The following ZNF333 variants were observed in gnomAD, a reference collection of about 807,000 sequenced individuals.
ZNF333 encodes zinc finger protein 333.
In ZNF333, 61 loss-of-function variants were observed where a neutral mutation model predicts 76.1. That is an observed-to-expected ratio of 0.80 (90% CI 0.65 to 0.99). The LOEUF (loss-of-function observed/expected upper bound fraction) is 0.99, where lower values mean the gene tolerates loss of function less well. ZNF333 is among the 50% of genes least tolerant of loss of function. The pLI, the probability that ZNF333 is intolerant of heterozygous loss-of-function variation, is 0.00. For missense variants in ZNF333, 717 were observed against 822.4 expected, an observed-to-expected ratio of 0.87 and a Z score of 1.57; for synonymous variants, 284 against 305.0, an observed-to-expected ratio of 0.93 and a Z score of 0.72.
In ZNF333 at chr19:14,721,135, T is replaced by G. The variant is rs953681779; in HGVS notation, c.*1810T>G. ...GTCCTCACACTGACACTTTGAGGTA[T>G]GTACTGTTATCCCCAATTCCCAGAT... On this transcript the variant is annotated 3_prime_UTR_variant, in exon 12 of 12. Coordinates refer to ENST00000292530, the MANE Select transcript of ZNF333 (RefSeq NM_032433.4). 1 of 292,728 alleles carries G rather than the reference T, an allele frequency of 3.4e-6. No homozygotes were observed. The highest frequency in any genetic ancestry group is 5.1e-6 in the Non-Finnish European group (1 of 197,228). 18.1% of individuals were successfully genotyped at this position (292,728 alleles called of 1,614,324 possible). A position where few individuals can be genotyped will look rare whatever the true frequency, so the allele number is the denominator to read the frequency against.
At chr19:14,731,158 T>C (rs1422429151) in intron 11 of ZNF333, 2 of 1,533,586 alleles carry the variant, frequency 1.3e-6, no homozygotes, top group South Asian at 1.2e-5. Flanking sequence ...TCTTCCTCCT[T>C]ATAATTCCCT....
chr19:14,715,294 C>A, intron 7 of ZNF333, 88 bp from the exon 8 acceptor site: 1 of 1,142,414 alleles, frequency 8.8e-7, no homozygotes, highest in Non-Finnish European at 1.3e-6. Context: ...CATGTGATCA[C>A]TCACAGCCAG....
intron 5 of ZNF333, chr19:14,701,784 G>A (rs2041965172): frequency 2.0e-5 from 20 of 985,378 alleles, no homozygotes; most frequent in African/African-American, 3.5e-5. Context: ...AGAGCCCCAG[G>A]AAACAGGCGG....
Position 14,694,244 on chromosome 19 carries a change from G to A in ZNF333, c.3+750G>A, listed in dbSNP as rs774674223. ...TCCCAGCACTTTGGGAGGCCGAGGC[G>A]GGCAGATCACTTGAGGCTGGGAGTT... On this transcript the variant is annotated intron_variant, in intron 2 of 11. Transcript: ENST00000292530. Among the ~76,000 whole-genome samples, 4 of 152,158 alleles carry A rather than the reference G, an allele frequency of 2.6e-5. 1 individual carries two copies. The Middle Eastern group carries it at 0.014, about 518-fold the overall frequency.
intron 11 of ZNF333, among the ~76,000 whole-genome samples, chr19:14,728,098 A>C (rs900661551): frequency 3.9e-5 from 6 of 152,306 alleles, no homozygotes; most frequent in African/African-American, 1.4e-4. Flanking sequence ...CTGTAGTCCC[A>C]ACTACTCGGG....
intron 11 of ZNF333, among the ~76,000 whole-genome samples, chr19:14,729,361 T>G (rs1031807887): frequency 1.4e-4 from 18 of 125,356 alleles, no homozygotes; most frequent in African/African-American, 5.5e-4. Context: ...AACGATACAC[T>G]TTTTTTTTTT....
At chr19:14,731,361 C>T (rs1453300864) in exon 12 of ZNF333, 1 of 639,098 alleles carries the variant, frequency 1.6e-6, no homozygotes, top group African/African-American at 1.8e-5. Context: ...ATCCGGGCTC[C>T]TTAACTTCCG....
At chr19:14,708,289 T>C in intron 7 of ZNF333, 1 of 400,522 alleles carries the variant, frequency 2.5e-6, no homozygotes, top group Non-Finnish European at 4.4e-6. Flanking sequence ...ACCACAGGTG[T>C]GAGCCACCGT....
At chr19:14,693,980 TAA>T (rs61027794) in intron 2 of ZNF333, among the ~76,000 whole-genome samples, 42 of 113,094 alleles carry the variant, frequency 3.7e-4, no homozygotes, top group African/African-American at 6.7e-4. Flanking sequence ...ACCTTGTCTC[TAA>T]AAAAAAAAAA....
intron 8 of ZNF333, 87 bp downstream of exon 8, chr19:14,715,557 C>T: frequency 3.0e-6 from 4 of 1,321,754 alleles, no homozygotes; most frequent in Non-Finnish European, 4.2e-6. Flanking sequence ...TGGATCATCT[C>T]ATAGGGTTGG....
At chr19:14,713,608 A>G (rs1036785119) in intron 7 of ZNF333, among the ~76,000 whole-genome samples, 2 of 152,112 alleles carry the variant, frequency 1.3e-5, no homozygotes, top group Admixed American at 6.6e-5. Flanking sequence ...AAGCTCTTAC[A>G]GGAAAAAGAG....
rs189076308 is a variant in ZNF333 at position 14,698,352 on chromosome 19, C to T, written c.224-847C>T. Among the ~76,000 whole-genome samples the T allele has an allele frequency of 2.5e-3, 303 of 122,762 alleles. 2 individuals are homozygous for T. The highest frequency in any genetic ancestry group is 8.9e-3 in the African/African-American group (279 of 31,286). 80.5% of individuals were successfully genotyped at this position (122,762 alleles called of 152,430 possible). A position where few individuals can be genotyped will look rare whatever the true frequency, so the allele number is the denominator to read the frequency against. ...TCATGCCATTGTACTCCAGCCTGGG[C>T]GACAGAGTGAGACTCCGTCTCAAAA... On this transcript the variant is annotated intron_variant, in intron 4 of 11. Transcript: ENST00000292530.
At chr19:14,717,224 G>A in intron 10 of ZNF333, 135 bp downstream of exon 10, 1 of 643,500 alleles carries the variant, frequency 1.6e-6, no homozygotes, top group Non-Finnish European at 2.6e-6. Context: ...CTTATTAAAT[G>A]CCACCTTCTT....
intron 7 of ZNF333, among the ~76,000 whole-genome samples, chr19:14,711,902 A>AG (rs1041078004): frequency 1.3e-5 from 2 of 152,090 alleles, no homozygotes; most frequent in Non-Finnish European, 2.9e-5. Flanking sequence ...AAGAAAGGGA[A>AG]GGGGTCCTAT....
At chr19:14,714,526 G>C (rs537355305) in intron 7 of ZNF333, among the ~76,000 whole-genome samples, 6 of 152,108 alleles carry the variant, frequency 3.9e-5, no homozygotes, top group Admixed American at 1.3e-4. Context: ...TGGACTCCTC[G>C]TCTCTAAAAC....
intron 6 of ZNF333, 32 bp from the exon 7 acceptor site, chr19:14,706,654 C>A: frequency 6.3e-7 from 1 of 1,599,904 alleles, no homozygotes; most frequent in East Asian, 2.2e-5. Flanking sequence ...AGCTTCTTGA[C>A]TCTAATCTGT....
chr19:14,693,484 C>G lies in ZNF333; in HGVS notation c.-8C>G. 1.2e-6 allele frequency: 2 copies of G among 1,602,470 alleles called. No individual in the cohort carries two copies. The highest frequency in any genetic ancestry group is 1.7e-6 in the Non-Finnish European group (2 of 1,171,460). On this transcript the variant is annotated 5_prime_UTR_variant, in exon 2 of 12. Coordinates refer to ENST00000292530, the MANE Select transcript of ZNF333 (RefSeq NM_032433.4). ...CCGACTGAGACCTCAAACCCTGGCT[C>G]CAGTGTCATGGTGAGGAAACTGGGG...
chr19:14,717,498 A>C, intron 10 of ZNF333, 159 bp from the exon 11 acceptor site: 1 of 618,822 alleles, frequency 1.6e-6, no homozygotes, highest in Non-Finnish European at 2.8e-6. Flanking sequence ...ATTTTCCTTA[A>C]CTTTTAGATG....
rs566895814 is a variant in ZNF333, at chr19:14,693,240, A to G, written c.-41-211A>G. 1.3e-4 allele frequency among the ~76,000 whole-genome samples: 20 copies of G among 152,336 alleles called. No homozygotes were observed. In the East Asian group the frequency reaches 3.1e-3, roughly 24 times the overall value. On this transcript the variant is annotated intron_variant, in intron 1 of 11. Transcript: ENST00000292530. ...TCTTAGAAGTATTTTGAGGGAAGCTAGAAGTTAAAATGTTCCTTTGATGAC... is the reference window on the plus strand; with the variant it reads ...TCTTAGAAGTATTTTGAGGGAAGCTGGAAGTTAAAATGTTCCTTTGATGAC...
Sources: allele counts gnomAD v4.1 joint callset (sites outside exome capture counted in the v4.1 genomes callset), GRCh38; gene constraint gnomAD v4.1.1; transcripts MANE v1.5; gene names NCBI Gene and HGNC (gene_info 2026-07-23, HGNC 2026-07-21).